MEGF10: variants seen among roughly 807,000 people sequenced by gnomAD.
MEGF10 encodes the protein multiple epidermal growth factor-like domains protein 10.
In MEGF10, 86 loss-of-function variants were observed where a neutral mutation model predicts 147.5. The observed-to-expected ratio is 0.58, with a 90% CI of 0.49 to 0.70. MEGF10 has a LOEUF of 0.70. MEGF10 is among the 30% of genes least tolerant of loss of function. The pLI, the probability that MEGF10 is intolerant of heterozygous loss-of-function variation, is 0.00. For missense variants in MEGF10, 1,329 were observed against 1,487.3 expected (o/e 0.89, Z 1.75); for synonymous variants, 478 against 525.5 (o/e 0.91, Z 1.24).
intron 5 of MEGF10, among the ~76,000 whole-genome samples, chr5:127,389,363 G>A (rs983543870): frequency 6.6e-6 from 1 of 152,164 alleles, no homozygotes; most frequent in African/African-American, 2.4e-5. Context: ...ACAGTGTGGT[G>A]ATTCCTCAAA....
At chr5:127,398,635 TG>T in intron 6 of MEGF10, 40 bp from the exon 7 acceptor site, 1 of 1,612,932 alleles carries the variant, frequency 6.2e-7, no homozygotes, top group Non-Finnish European at 8.5e-7. Flanking sequence ...GTCATGTGTC[TG>T]GGAAATAACA....
intron 13 of MEGF10, among the ~76,000 whole-genome samples, chr5:127,429,089 C>G (rs546845891): frequency 7.9e-5 from 12 of 152,216 alleles, no homozygotes; most frequent in African/African-American, 2.9e-4. Context: ...TCCCATTGAA[C>G]CAGAGATGGC....
At chr5:127,285,792 A>AT in the MEGF10 span, among the ~76,000 whole-genome samples, 1 of 152,134 alleles carries the variant, frequency 6.6e-6, no homozygotes, top group African/African-American at 2.4e-5. Flanking sequence ...ATAAAAATAT[A>AT]TCTGAATCCC....
chr5:127,398,825 C>T (rs776439238), intron 7 of MEGF10, 29 bp downstream of exon 7: 1 of 1,612,820 alleles, frequency 6.2e-7, no homozygotes, highest in Non-Finnish European at 8.5e-7. Context: ...TCCTCTGCCC[C>T]TGCCCCAAAG....
At chr5:127,333,523 AAT>A (rs1233542023) in intron 2 of MEGF10, among the ~76,000 whole-genome samples, 111 of 151,280 alleles carry the variant, frequency 7.3e-4, no homozygotes, top group African/African-American at 2.5e-3. Flanking sequence ...AAAAAATAAA[AAT>A]AAAAATAAAA....
Position 127,420,171 on chromosome 5 carries a change from T to C in MEGF10, c.1554T>C (p.Pro518=), listed in dbSNP as rs769349163. Residue 518 remains proline, a synonymous_variant, in exon 12 of 25, where the codon CCT becomes CCC. Transcript: ENST00000503335. ...TGGACGGGACCTGCACGTGTGCACC[T>C]GGATGGCGCGGGGAGAAATGCGAAC... ...NTLDGTCTCA[P]GWRGEKCELP... 3 of 1,614,166 alleles carry C rather than the reference T, an allele frequency of 1.9e-6. No homozygotes were observed. The highest frequency in any genetic ancestry group is 2.5e-6 in the Non-Finnish European group (3 of 1,180,012).
intron 1 of MEGF10, among the ~76,000 whole-genome samples, chr5:127,305,557 C>G (rs1318096648): frequency 3.3e-5 from 5 of 152,106 alleles, no homozygotes; most frequent in African/African-American, 1.2e-4. Context: ...AGATGGTCCA[C>G]TTTTATTTTG....
At chr5:127,248,598 G>A in the MEGF10 span, among the ~76,000 whole-genome samples, 1 of 151,978 alleles carries the variant, frequency 6.6e-6, no homozygotes, top group African/African-American at 2.4e-5. Context: ...GGCTCAAGAG[G>A]AGATTGGATA....
chr5:127,387,702 T>A (rs1038664876), intron 5 of MEGF10, among the ~76,000 whole-genome samples: 1 of 152,244 alleles, frequency 6.6e-6, no homozygotes, highest in Non-Finnish European at 1.5e-5. Context: ...AATTGCCATT[T>A]GAGTTCATTT....
chr5:127,392,088 A>G lies in MEGF10; in HGVS notation c.413-4444A>G, dbSNP rs149943981. Among the ~76,000 whole-genome samples, 480 of 152,284 alleles carry G rather than the reference A, an allele frequency of 3.2e-3. 1 individual carries two copies. The Middle Eastern group carries it at 0.054, about 17-fold the overall frequency. ...ATGCCATTTTCAGAGAGCATCTTAGATCGGTTCTCAAAAGTGTGCCTAAGG... is the reference window on the plus strand; with the variant it reads ...ATGCCATTTTCAGAGAGCATCTTAGGTCGGTTCTCAAAAGTGTGCCTAAGG... On this transcript the variant is annotated intron_variant, in intron 5 of 24. Coordinates refer to ENST00000503335, the MANE Select transcript of MEGF10 (RefSeq NM_001256545.2).
chr5:127,440,893 G>A (rs747241009), intron 18 of MEGF10, 26 bp downstream of exon 18: 2 of 1,604,370 alleles, frequency 1.2e-6, no homozygotes, highest in South Asian at 1.1e-5. Flanking sequence ...TGGCATCACT[G>A]GGTGGTATTT....
intron 19 of MEGF10, among the ~76,000 whole-genome samples, chr5:127,443,668 TTA>T (rs1765838947): frequency 6.6e-6 from 1 of 152,218 alleles, no homozygotes; most frequent in African/African-American, 2.4e-5. Flanking sequence ...TTCTAGAATT[TTA>T]TATAAATGAA....
chr5:127,362,346 T>TA (rs1554094199), intron 4 of MEGF10, among the ~76,000 whole-genome samples: 2 of 150,212 alleles, frequency 1.3e-5, no homozygotes, highest in African/African-American at 4.9e-5. Context: ...TTTTTTTTTT[T>TA]ACATACCTTT....
intron 6 of MEGF10, among the ~76,000 whole-genome samples, chr5:127,397,280 A>C (rs1025360635): frequency 2.0e-5 from 3 of 152,238 alleles, no homozygotes; most frequent in African/African-American, 7.2e-5. Flanking sequence ...TTAGGGATAC[A>C]TACATTATTT....
rs1053007611 is a variant in MEGF10 at position 127,458,824 on chromosome 5, G to A, written c.*1506G>A. The A allele has an allele frequency of 1.2e-4, 18 of 152,100 alleles. No individual in the cohort carries two copies. Among genetic ancestry groups the A allele is most frequent in the Non-Finnish European group, 1.9e-4 (13 of 68,026 alleles). 9.4% of individuals were successfully genotyped at this position (152,100 alleles called of 1,614,324 possible). A position where few individuals can be genotyped will look rare whatever the true frequency, so the allele number is the denominator to read the frequency against. On this transcript the variant is annotated 3_prime_UTR_variant, in exon 25 of 25. Transcript: ENST00000503335. The stretch of plus-strand genomic sequence containing the variant: ...CATCTTAAAAAAAACTCTCATTATG[G>A]TGATCATAGAATTGACCATCCAAAC...
chr5:127,383,388 A>G lies in MEGF10; in HGVS notation c.413-13144A>G, dbSNP rs188665690. Among the ~76,000 whole-genome samples the G allele has an allele frequency of 1.3e-3, 195 of 152,242 alleles. 1 individual carries two copies. Among genetic ancestry groups the G allele is most frequent in the South Asian group, 6.2e-3 (30 of 4,822 alleles). Reference sequence around the variant, plus strand: ...CAGGCTGAGGTGGGGGTATTACTTGAGCTGAGGAGTTCAAGGCTGCAGTGA... The same window carrying G: ...CAGGCTGAGGTGGGGGTATTACTTGGGCTGAGGAGTTCAAGGCTGCAGTGA... On this transcript the variant is annotated intron_variant, in intron 5 of 24. Coordinates refer to ENST00000503335, the MANE Select transcript of MEGF10 (RefSeq NM_001256545.2).
In MEGF10 at chr5:127,332,637, A is replaced by G. The variant is rs537250256; in HGVS notation, c.116+1213A>G. On this transcript the variant is annotated intron_variant, in intron 2 of 24. Transcript: ENST00000503335. ...ATATTATTATGAAACTTTAAGCTGCAGAGAGAATATATGTATATAATAAAG... is the reference window on the plus strand; with the variant it reads ...ATATTATTATGAAACTTTAAGCTGCGGAGAGAATATATGTATATAATAAAG... Among the ~76,000 whole-genome samples the G allele has an allele frequency of 2.5e-3, 383 of 152,302 alleles. 4 individuals are homozygous for G. Among genetic ancestry groups the G allele is most frequent in the African/African-American group, 8.9e-3 (372 of 41,568 alleles).
chr5:127,460,738 T>G lies in MEGF10; in HGVS notation c.*3420T>G, dbSNP rs1481252471. On this transcript the variant is annotated 3_prime_UTR_variant, in exon 25 of 25. Transcript: ENST00000503335. ...AAAATAAAATCATAAAAAATCAAGT[T>G]TTAAGGTTATATTTTTTAAAATAAT... is the stretch of plus-strand genomic sequence containing the variant. 1 of 152,150 alleles carries G rather than the reference T, an allele frequency of 6.6e-6. No individual in the cohort carries two copies. Among genetic ancestry groups the G allele is most frequent in the Non-Finnish European group, 1.5e-5 (1 of 68,010 alleles). 9.4% of individuals were successfully genotyped at this position (152,150 alleles called of 1,614,324 possible). A position where few individuals can be genotyped will look rare whatever the true frequency, so the allele number is the denominator to read the frequency against.
intron 13 of MEGF10, among the ~76,000 whole-genome samples, chr5:127,431,693 G>C (rs1193163289): frequency 6.6e-6 from 1 of 152,210 alleles, no homozygotes; most frequent in Non-Finnish European, 1.5e-5. Context: ...CAGGAGTCTT[G>C]GCTCACGGTC....
Sources: allele counts gnomAD v4.1 joint callset (sites outside exome capture counted in the v4.1 genomes callset), GRCh38; gene constraint gnomAD v4.1.1; transcripts MANE v1.5; gene names NCBI Gene and HGNC (gene_info 2026-07-23, HGNC 2026-07-21).